The following PDE4D variants were observed in gnomAD, a reference collection of about 807,000 sequenced individuals.
PDE4D encodes 3',5'-cyclic-AMP phosphodiesterase 4D.
A neutral mutation model predicts 87.4 loss-of-function variants in PDE4D; 24 were observed. The ratio of observed to expected loss-of-function variants is 0.27; its 90% CI spans 0.20 to 0.39. The LOEUF is 0.39. Ranked by LOEUF, PDE4D falls within the 10% of genes least tolerant of loss-of-function variation. The probability of loss-of-function intolerance (pLI) is 1.00; values close to 1 mark genes in which losing one functional copy is unlikely to be tolerated. For missense variants in PDE4D, 714 were observed against 1,041.0 expected (o/e 0.69, Z 4.32); for synonymous variants, 384 against 383.2 (o/e 1.00, Z -0.02).
At chr5:59,944,514 C>G (rs945147268) in intron 3 of PDE4D, among the ~76,000 whole-genome samples, 6 of 151,998 alleles carry the variant, frequency 3.9e-5, no homozygotes, top group Admixed American at 6.6e-5. Flanking sequence ...TGGGATTACA[C>G]GCCCCCACCA....
In PDE4D at chr5:59,226,670, CT is replaced by C. The variant is rs753905545; in HGVS notation, c.456-10703del. On this transcript the variant is annotated intron_variant, in intron 1 of 14. Coordinates refer to ENST00000340635, the MANE Select transcript of PDE4D (RefSeq NM_001104631.2). ...CTTTGTTTTTAGCACAATAAAGCAA[CT>C]TTTTCAAAAAGGATCTCAAATGGCC... is the stretch of plus-strand genomic sequence containing the variant. Among the ~76,000 whole-genome samples the C allele has an allele frequency of 4.6e-5, 7 of 152,124 alleles. No homozygotes were observed. In the East Asian group the frequency reaches 7.7e-4, roughly 17 times the overall value.
intron 3 of PDE4D, among the ~76,000 whole-genome samples, chr5:59,907,580 C>T (rs780964176): frequency 5.9e-5 from 9 of 152,078 alleles, no homozygotes; most frequent in Non-Finnish European, 1.2e-4. Context: ...ACATGTACCC[C>T]TGAACCTAAA....
At chr5:59,070,936 G>T (rs1764687968) in intron 5 of PDE4D, among the ~76,000 whole-genome samples, 1 of 152,118 alleles carries the variant, frequency 6.6e-6, no homozygotes, top group African/African-American at 2.4e-5. Flanking sequence ...TATCCCAAGG[G>T]TAATGTTTTT....
chr5:60,194,266 T>A (rs1234779949), intron 1 of PDE4D, among the ~76,000 whole-genome samples: 1 of 151,622 alleles, frequency 6.6e-6, no homozygotes. Flanking sequence ...GACCTCCATA[T>A]CACAAAATCT....
chr5:59,154,079 G>A (rs1779828272), intron 5 of PDE4D, among the ~76,000 whole-genome samples: 2 of 152,166 alleles, frequency 1.3e-5, no homozygotes, highest in Non-Finnish European at 2.9e-5. Flanking sequence ...TACATATCTG[G>A]ATAGGGGCTT....
intron 3 of PDE4D, among the ~76,000 whole-genome samples, chr5:59,976,343 G>T (rs945512521): frequency 6.6e-6 from 1 of 152,122 alleles, no homozygotes; most frequent in African/African-American, 2.4e-5. Flanking sequence ...TGTTGATGGT[G>T]GGCCTAGTGG....
intron 1 of PDE4D, among the ~76,000 whole-genome samples, chr5:59,223,560 TA>T (rs1753026084): frequency 6.6e-6 from 1 of 152,124 alleles, no homozygotes; most frequent in Non-Finnish European, 1.5e-5. Flanking sequence ...TCCCTCTTTA[TA>T]ATACTAAATA....
chr5:60,453,068 C>T (rs1216296289), intron 1 of PDE4D, among the ~76,000 whole-genome samples: 1 of 152,082 alleles, frequency 6.6e-6, no homozygotes, highest in African/African-American at 2.4e-5. Context: ...TAAACATGGG[C>T]AGTCAGAAGC....
chr5:59,265,949 G>A (rs1418681430), intron 1 of PDE4D, among the ~76,000 whole-genome samples: 14 of 152,016 alleles, frequency 9.2e-5, no homozygotes, highest in Non-Finnish European at 1.8e-4. Context: ...ATTTCAAGAT[G>A]CGAATTACAG....
chr5:60,345,363 G>A (rs1010558326), intron 1 of PDE4D, among the ~76,000 whole-genome samples: 12 of 151,824 alleles, frequency 7.9e-5, no homozygotes, highest in African/African-American at 2.9e-4. Flanking sequence ...GAGTTAATGG[G>A]TGCAGCACAC....
chr5:60,015,726 A>G (rs72753256), intron 2 of PDE4D, among the ~76,000 whole-genome samples: 7,680 of 152,192 alleles, frequency 0.05, 266 homozygotes, highest in Non-Finnish European at 0.065. Context: ...AGGCCTTAAG[A>G]GCAACAATAA....
At chr5:59,071,802 T>C (rs1764869033) in intron 5 of PDE4D, among the ~76,000 whole-genome samples, 1 of 145,282 alleles carries the variant, frequency 6.9e-6, no homozygotes, top group Admixed American at 7.1e-5. Context: ...TTCTCCTGCC[T>C]CAGCCTCCTG....
intron 1 of PDE4D, among the ~76,000 whole-genome samples, chr5:60,396,250 A>G (rs1034646067): frequency 6.6e-6 from 1 of 152,188 alleles, no homozygotes; most frequent in Non-Finnish European, 1.5e-5. Context: ...ATTAGACAAC[A>G]TTTTGCAGAT....
At chr5:59,285,066 GT>G (rs1766628750) in intron 1 of PDE4D, among the ~76,000 whole-genome samples, 1 of 102,226 alleles carries the variant, frequency 9.8e-6, no homozygotes, top group African/African-American at 3.7e-5. Flanking sequence ...CTGTGGTGGG[GT>G]GGGGGGAGGG....
intron 5 of PDE4D, among the ~76,000 whole-genome samples, chr5:59,092,751 A>C (rs1332424617): frequency 6.6e-6 from 1 of 152,222 alleles, no homozygotes; most frequent in Non-Finnish European, 1.5e-5. Flanking sequence ...ACAAAAACAC[A>C]AATAAATAAT....
At chr5:59,357,063 T>C in intron 1 of PDE4D, 1 of 455,052 alleles carries the variant, frequency 2.2e-6, no homozygotes, top group Non-Finnish European at 3.7e-6. Flanking sequence ...ACTTGGCCTT[T>C]GCGACAGAGT....
intron 2 of PDE4D, among the ~76,000 whole-genome samples, chr5:60,123,903 C>G (rs1489049181): frequency 1.3e-5 from 2 of 152,086 alleles, no homozygotes; most frequent in Non-Finnish European, 2.9e-5. Context: ...AATTACCCCA[C>G]AACCAAATAA....
At chr5:59,531,763 T>A (rs553154525) in intron 1 of PDE4D, among the ~76,000 whole-genome samples, 1 of 152,332 alleles carries the variant, frequency 6.6e-6, no homozygotes, top group East Asian at 1.9e-4. Flanking sequence ...TTAGAAGGAC[T>A]TGTGTGATTA....
intron 1 of PDE4D, among the ~76,000 whole-genome samples, chr5:59,262,095 A>C (rs1762098412): frequency 6.6e-6 from 1 of 151,946 alleles, no homozygotes; most frequent in Admixed American, 6.6e-5. Flanking sequence ...TATTCCAAGG[A>C]TATAGTAGAA....
Sources: allele counts gnomAD v4.1 joint callset (sites outside exome capture counted in the v4.1 genomes callset), GRCh38; gene constraint gnomAD v4.1.1; transcripts MANE v1.5; gene names NCBI Gene and HGNC (gene_info 2026-07-23, HGNC 2026-07-21).